PITRM1: variants seen among roughly 807,000 people sequenced by gnomAD.
PITRM1 encodes the protein pitrilysin metallopeptidase 1, also known as presequence protease, mitochondrial.
A neutral mutation model predicts 129.9 loss-of-function variants in PITRM1; 100 were observed. That is an observed-to-expected ratio of 0.77 (90% CI 0.65 to 0.91). The LOEUF (loss-of-function observed/expected upper bound fraction) is 0.91. Among genes scored for constraint, PITRM1 ranks in the 40% least tolerant of loss-of-function variants. PITRM1 has a pLI of 0.00. For synonymous variants in PITRM1, 591 were observed against 508.8 expected, an observed-to-expected ratio of 1.16 and a Z score of -2.17; for missense variants, 1,471 against 1,318.3, an observed-to-expected ratio of 1.12 and a Z score of -1.79.
rs1352127882 is a variant in PITRM1 at position 3,165,519 on chromosome 10, A to AATCACT, written c.421_426dup (p.Ser141_Asp142dup). The AATCACT allele has an allele frequency of 6.4e-7, 1 of 1,555,700 alleles. No homozygotes were observed. Among genetic ancestry groups the AATCACT allele is most frequent in the Non-Finnish European group, 8.9e-7 (1 of 1,127,706 alleles). ...TGTGTGGAAAATGGATACAGAGTAT[A>AATCACT]ATCACTAGCTGGGTACAAATGAAAA... On this transcript the variant is annotated inframe_insertion, in exon 5 of 27. Coordinates refer to ENST00000224949, the MANE Select transcript of PITRM1 (RefSeq NM_014889.4).
At chr10:3,166,189 C>G in intron 4 of PITRM1, 40 bp downstream of exon 4, 1 of 1,509,686 alleles carries the variant, frequency 6.6e-7, no homozygotes, top group East Asian at 2.4e-5. Context: ...GTGTGCCTGG[C>G]AAACCCAAAA....
At position 3,153,911 on chromosome 10, in the gene PITRM1, C is replaced by T. The variant is rs564789253; in HGVS notation, c.1621+1680G>A. Among the ~76,000 whole-genome samples the T allele has an allele frequency of 2.6e-5, 4 of 152,328 alleles. No homozygotes were observed. The East Asian group carries it at 7.7e-4, about 29-fold the overall frequency. Reference sequence around the variant, plus strand: ...TATTTTTAAAAGACTTAATACATAACTTACAAGCAATAATATTCACAATTT... The same window carrying T: ...TATTTTTAAAAGACTTAATACATAATTTACAAGCAATAATATTCACAATTT... On this transcript the variant is annotated intron_variant, in intron 14 of 26. Transcript: ENST00000224949.
intron 7 of PITRM1, 196 bp downstream of exon 7, chr10:3,163,529 T>G: frequency 2.1e-6 from 1 of 472,290 alleles, no homozygotes. Flanking sequence ...ATGCTGAGCC[T>G]CCTGAGGGCT....
rs918381483 is a variant in PITRM1 at position 3,157,545 on chromosome 10, T to C, written c.1251-14A>G. On this transcript the variant is annotated splice_polypyrimidine_tract_variant and intron_variant, in intron 11 of 26. Coordinates refer to ENST00000224949, the MANE Select transcript of PITRM1 (RefSeq NM_014889.4). ...TCAAATCCTTTCCTAAAGAATACAA[T>C]GAAGAACAAAGATGGGCCAGACACA... is the stretch of plus-strand genomic sequence containing the variant. The C allele has an allele frequency of 6.5e-7, 1 of 1,529,598 alleles. No individual in the cohort carries two copies. The highest frequency in any genetic ancestry group is 9.0e-7 in the Non-Finnish European group (1 of 1,110,728). 94.8% of individuals were successfully genotyped at this position (1,529,598 alleles called of 1,614,324 possible). A position where few individuals can be genotyped will look rare whatever the true frequency, so the allele number is the denominator to read the frequency against.
intron 21 of PITRM1, chr10:3,145,218 G>A (rs868386270): frequency 2.0e-5 from 4 of 200,238 alleles, no homozygotes; most frequent in Middle Eastern, 2.0e-3. Context: ...AGTTATCACC[G>A]ACATCACTGT....
Position 3,145,584 on chromosome 10 carries a change from A to G in PITRM1, c.2457+12T>C. On this transcript the variant is annotated intron_variant, in intron 21 of 26. Coordinates refer to ENST00000224949, the MANE Select transcript of PITRM1 (RefSeq NM_014889.4). ...CAGGCGCTCACCGGGCGCCAGCACC[A>G]CCAGTGCATACCTCGACCGTGTGTG... 1 of 1,548,788 alleles carries G rather than the reference A, an allele frequency of 6.5e-7. No individual in the cohort carries two copies. Among genetic ancestry groups the G allele is most frequent in the Non-Finnish European group, 8.7e-7 (1 of 1,146,434 alleles).
At position 3,138,962 on chromosome 10, in the gene PITRM1, G is replaced by C; in HGVS notation, c.2859C>G (p.Asp953Glu). ...KSGKFTQQDI[D>E]EAKLSVFSTV... is the part of the protein sequence containing the mutation. ...TTGAGAAGACAGAAAGTTTGGCTTC[G>C]TCGATGTCTTGCTGTGTGAATTTTC... The change falls in exon 25 of 27, where the codon GAC becomes GAG. Residue 953 changes from aspartate (D) to glutamate (E), a missense_variant. Asp to Glu is a conservative substitution (Grantham distance 45). Transcript: ENST00000224949. 1.2e-6 allele frequency: 2 copies of C among 1,613,870 alleles called. No individual in the cohort carries two copies. Among genetic ancestry groups the C allele is most frequent in the Non-Finnish European group, 1.7e-6 (2 of 1,179,726 alleles).
At chr10:3,142,473 T>A (rs996310859) in intron 23 of PITRM1, among the ~76,000 whole-genome samples, 2 of 152,248 alleles carry the variant, frequency 1.3e-5, no homozygotes, top group African/African-American at 4.8e-5. Flanking sequence ...AGGAAGTGAA[T>A]TTCCGGGATA....
chr10:3,147,620 G>T lies in PITRM1; in HGVS notation c.2187C>A (p.Thr729=). 6.2e-7 allele frequency: 1 copy of T among 1,614,044 alleles called. No homozygotes were observed. Among genetic ancestry groups the T allele is most frequent in the Non-Finnish European group, 8.5e-7 (1 of 1,179,900 alleles). Residue 729 remains threonine (T), a synonymous_variant, in exon 19 of 27, where the codon ACC becomes ACA. Coordinates refer to ENST00000224949, the MANE Select transcript of PITRM1 (RefSeq NM_014889.4). Reference sequence around the variant, plus strand: ...CCTGCAGGTCCCCTGCGGGCGTGAGGGTCCGGCCTGCCCTGATGGATGCGT... The same window carrying T: ...CCTGCAGGTCCCCTGCGGGCGTGAGTGTCCGGCCTGCCCTGATGGATGCGT... ...HLYASIRAGR[T]LTPAGDLQET... is the part of the protein sequence containing the mutation.
intron 2 of PITRM1, among the ~76,000 whole-genome samples, chr10:3,167,245 C>G (rs1456069093): frequency 6.7e-6 from 1 of 149,742 alleles, no homozygotes. Flanking sequence ...CTAAAAAAGG[C>G]AGATGAGAAT....
intron 15 of PITRM1, among the ~76,000 whole-genome samples, chr10:3,150,600 T>G (rs1466717715): frequency 2.0e-5 from 3 of 152,078 alleles, no homozygotes; most frequent in Non-Finnish European, 4.4e-5. Context: ...AAGCTCAGCA[T>G]CAACACTGTC....
intron 7 of PITRM1, among the ~76,000 whole-genome samples, chr10:3,161,389 G>A (rs1842428738): frequency 6.6e-6 from 1 of 152,176 alleles, no homozygotes; most frequent in Non-Finnish European, 1.5e-5. Context: ...GAGGAAAAAG[G>A]TTACAATGAC....
intron 1 of PITRM1, among the ~76,000 whole-genome samples, chr10:3,171,797 C>A (rs1843384241): frequency 1.3e-5 from 2 of 152,086 alleles, no homozygotes. Context: ...CCCCGCAATG[C>A]GAGAGGCTGA....
At chr10:3,145,926 G>A (rs538189765) in intron 20 of PITRM1, 1 of 549,238 alleles carries the variant, frequency 1.8e-6, no homozygotes, top group South Asian at 2.1e-5. Flanking sequence ...CAATGTGGCA[G>A]CTAATGAAGC....
chr10:3,138,821 C>T, intron 25 of PITRM1, 83 bp downstream of exon 25: 4 of 1,306,578 alleles, frequency 3.1e-6, no homozygotes, highest in Non-Finnish European at 4.5e-6. Flanking sequence ...AGTGCTCCTG[C>T]CCATGCATGC....
intron 14 of PITRM1, 37 bp from the exon 15 acceptor site, chr10:3,151,400 A>C (rs531370735): frequency 8.0e-7 from 1 of 1,243,110 alleles, no homozygotes; most frequent in East Asian, 2.4e-5. Flanking sequence ...ATTCAGGGCC[A>C]TAATTAAAAG....
At chr10:3,151,069 C>A in intron 15 of PITRM1, 178 bp downstream of exon 15, 1 of 580,260 alleles carries the variant, frequency 1.7e-6, no homozygotes, top group South Asian at 2.0e-5. Context: ...GAGTCTATCA[C>A]CACCGAGAGT....
chr10:3,152,778 C>T (rs1841631914), intron 14 of PITRM1, among the ~76,000 whole-genome samples: 1 of 152,218 alleles, frequency 6.6e-6, no homozygotes, highest in African/African-American at 2.4e-5. Context: ...GACCCGGTTT[C>T]CCCCGTGGTC....
chr10:3,147,669 C>A lies in PITRM1; in HGVS notation c.2138G>T (p.Gly713Val). ...GTACAGGTGCCCAGAGTCAGGAATT[C>A]CATTGGCGAGCTCCTGGGCGGTCAT... ...VKMTAQELAN[G>V]IPDSGHLYAS... is the part of the protein sequence containing the mutation. The change falls in exon 19 of 27, where the codon GGA (glycine) becomes GTA (valine). Residue 713 changes from glycine to valine, a missense_variant. Gly to Val is a moderately radical substitution (Grantham distance 109). Transcript: ENST00000224949. The A allele has an allele frequency of 6.2e-7, 1 of 1,613,724 alleles. No individual in the cohort carries two copies. Among genetic ancestry groups the A allele is most frequent in the Non-Finnish European group, 8.5e-7 (1 of 1,179,754 alleles).
Sources: allele counts gnomAD v4.1 joint callset (sites outside exome capture counted in the v4.1 genomes callset), GRCh38; gene constraint gnomAD v4.1.1; transcripts MANE v1.5; gene names NCBI Gene and HGNC (gene_info 2026-07-23, HGNC 2026-07-21).